The following PLXNA4 variants were observed in gnomAD, a reference collection of about 807,000 sequenced individuals.
PLXNA4 encodes the protein plexin-A4.
PLXNA4 carries 44 observed loss-of-function variants against 191.8 expected under a neutral mutation model. The observed-to-expected ratio is 0.23, with a 90% CI of 0.18 to 0.29. The LOEUF is 0.29. PLXNA4 is among the 10% of genes least tolerant of loss of function. The probability of loss-of-function intolerance (pLI) is 1.00; values close to 1 mark genes in which losing one functional copy is unlikely to be tolerated. For missense variants in PLXNA4, 1,800 were observed against 2,488.8 expected (o/e 0.72, Z 5.89); for synonymous variants, 1,082 against 1,009.5 (o/e 1.07, Z -1.36).
At chr7:132,211,168 G>T in intron 9 of PLXNA4, 25 bp from the exon 10 acceptor site, 2 of 1,547,364 alleles carry the variant, frequency 1.3e-6, no homozygotes, top group Non-Finnish European at 1.7e-6. Flanking sequence ...CATGGCTCAG[G>T]CTGGGCAGCC....
chr7:132,290,114 C>G (rs1800831320), intron 4 of PLXNA4, among the ~76,000 whole-genome samples: 1 of 152,230 alleles, frequency 6.6e-6, no homozygotes, highest in African/African-American at 2.4e-5. Context: ...CTCAGAAGGA[C>G]AGGCTGCAGG....
At chr7:132,145,053 C>T in intron 29 of PLXNA4, 66 bp downstream of exon 29, 1 of 1,610,246 alleles carries the variant, frequency 6.2e-7, no homozygotes. Flanking sequence ...AGAGTCCCAC[C>T]ACCATTAACT....
chr7:132,427,113 G>A, intron 3 of PLXNA4, among the ~76,000 whole-genome samples: 1 of 152,322 alleles, frequency 6.6e-6, no homozygotes, highest in East Asian at 1.9e-4. Context: ...GAGCAACCTA[G>A]CAGGGCAACT....
intron 30 of PLXNA4, among the ~76,000 whole-genome samples, chr7:132,134,615 G>A (rs1795060720): frequency 6.6e-6 from 1 of 152,206 alleles, no homozygotes; most frequent in Non-Finnish European, 1.5e-5. Flanking sequence ...GGACTCCCCT[G>A]GCCACATACC....
At chr7:132,531,170 G>A (rs1345832148) in intron 1 of PLXNA4, among the ~76,000 whole-genome samples, 1 of 152,204 alleles carries the variant, frequency 6.6e-6, no homozygotes, top group Non-Finnish European at 1.5e-5. Flanking sequence ...ACAACATCAT[G>A]AGTGTAATTA....
At chr7:132,239,058 C>A (rs941105722) in intron 5 of PLXNA4, among the ~76,000 whole-genome samples, 3 of 152,328 alleles carry the variant, frequency 2.0e-5, no homozygotes, top group Non-Finnish European at 2.9e-5. Flanking sequence ...ATGTCCATGG[C>A]TGTTTTTATG....
intron 10 of PLXNA4, among the ~76,000 whole-genome samples, chr7:132,205,934 C>A (rs1480259877): frequency 6.6e-6 from 1 of 152,212 alleles, no homozygotes; most frequent in African/African-American, 2.4e-5. Context: ...GGCAAAGAAT[C>A]CTACATACAT....
intron 7 of PLXNA4, 102 bp from the exon 8 acceptor site, chr7:132,226,362 C>T (rs780031034): frequency 2.4e-4 from 239 of 990,880 alleles, no homozygotes; most frequent in Admixed American, 2.6e-4. Flanking sequence ...GCTCCCCAGG[C>T]GGCTGTTGGC....
intron 1 of PLXNA4, among the ~76,000 whole-genome samples, chr7:132,517,736 A>G (rs1798997061): frequency 6.6e-6 from 1 of 152,188 alleles, no homozygotes; most frequent in South Asian, 2.1e-4. Context: ...GCTAACATAT[A>G]CAGGATAGAG....
At chr7:132,161,399 C>T (rs1217893769) in intron 24 of PLXNA4, among the ~76,000 whole-genome samples, 1 of 152,244 alleles carries the variant, frequency 6.6e-6, no homozygotes, top group Non-Finnish European at 1.5e-5. Context: ...AGCTAGAGCT[C>T]CACCCACAGG....
At chr7:132,213,430 G>A (rs1156730202) in intron 9 of PLXNA4, among the ~76,000 whole-genome samples, 1 of 152,216 alleles carries the variant, frequency 6.6e-6, no homozygotes, top group Non-Finnish European at 1.5e-5. Flanking sequence ...AGGCAGGCGG[G>A]CCAGCAGGAA....
At chr7:132,630,572 C>T (rs938133838) in intron 2 of PLXNA4, among the ~76,000 whole-genome samples, 5 of 152,084 alleles carry the variant, frequency 3.3e-5, no homozygotes, top group Non-Finnish European at 5.9e-5. Context: ...AGTGCAATGG[C>T]ACAATCTTGG....
chr7:132,531,009 G>A (rs934624901), intron 1 of PLXNA4, among the ~76,000 whole-genome samples: 5 of 152,232 alleles, frequency 3.3e-5, no homozygotes, highest in African/African-American at 1.2e-4. Context: ...CTACTTATCT[G>A]AATCTCAAGA....
At chr7:132,315,531 G>A (rs149242596) in intron 3 of PLXNA4, among the ~76,000 whole-genome samples, 1 of 152,298 alleles carries the variant, frequency 6.6e-6, no homozygotes, top group African/African-American at 2.4e-5. Context: ...AGACTCAGAT[G>A]GGCTACATGA....
Position 132,647,995 on chromosome 7 carries a change from A to G in PLXNA4, c.-203+519T>C, listed in dbSNP as rs553750092. Among the ~76,000 whole-genome samples, 3 of 152,086 alleles carry G rather than the reference A, an allele frequency of 2.0e-5. No individual in the cohort carries two copies. In the South Asian group the frequency reaches 6.2e-4, roughly 32 times the overall value. On this transcript the variant is annotated intron_variant, in intron 1 of 4. Coordinates refer to the PLXNA4 transcript ENST00000378539. ...CTCACATAAACACTCATGAACACAC[A>G]GTCATATACCCACAAACACACATAT...
intron 5 of PLXNA4, 96 bp from the exon 6 acceptor site, chr7:132,228,565 T>C (rs1798414509): frequency 3.3e-6 from 5 of 1,524,232 alleles, no homozygotes; most frequent in Non-Finnish European, 4.5e-6. Flanking sequence ...GCTCCCAGGA[T>C]GTGTCCAAAC....
intron 24 of PLXNA4, among the ~76,000 whole-genome samples, chr7:132,162,502 T>G (rs1381902691): frequency 6.6e-6 from 1 of 152,004 alleles, no homozygotes; most frequent in Non-Finnish European, 1.5e-5. Context: ...TTACAACTGA[T>G]TGTGTTGGAT....
At chr7:132,601,491 G>A (rs929525085) in intron 2 of PLXNA4, among the ~76,000 whole-genome samples, 10 of 152,176 alleles carry the variant, frequency 6.6e-5, no homozygotes, top group African/African-American at 1.9e-4. Flanking sequence ...GGGAAAAGAT[G>A]TGTCTTTTTT....
intron 3 of PLXNA4, among the ~76,000 whole-genome samples, chr7:132,471,831 C>T (rs1215685027): frequency 6.6e-6 from 1 of 152,156 alleles, no homozygotes; most frequent in African/African-American, 2.4e-5. Flanking sequence ...AACAACAGTA[C>T]ACGCAAGAAC....
Sources: allele counts gnomAD v4.1 joint callset (sites outside exome capture counted in the v4.1 genomes callset), GRCh38; gene constraint gnomAD v4.1.1; transcripts MANE v1.5; gene names NCBI Gene and HGNC (gene_info 2026-07-23, HGNC 2026-07-21).